Variants in PACRG observed in about 807,000 individuals in gnomAD.
The protein encoded by PACRG is parkin coregulated gene protein.
In PACRG, 29 loss-of-function variants were observed where a neutral mutation model predicts 29.7. That is an observed-to-expected ratio of 0.98 (90% CI 0.73 to 1.33). The LOEUF is 1.33. PACRG is among the 40% of genes most tolerant of loss of function. PACRG has a pLI of 0.00. For missense variants in PACRG, 279 were observed against 316.2 expected (o/e 0.88, Z 0.89); for synonymous variants, 116 against 118.7 (o/e 0.98, Z 0.15).
At chr6:162,805,592 T>C (rs1786252553) in intron 1 of PACRG, among the ~76,000 whole-genome samples, 1 of 152,218 alleles carries the variant, frequency 6.6e-6, no homozygotes, top group Non-Finnish European at 1.5e-5. Context: ...TGATGCTGTT[T>C]AATACCATTT....
At chr6:162,785,168 C>CAGAGAGAGAG (rs71008111) in intron 1 of PACRG, among the ~76,000 whole-genome samples, 42 of 138,126 alleles carry the variant, frequency 3.0e-4, no homozygotes, top group African/African-American at 1.0e-3. Context: ...ATGAGGGAGG[C>CAGAGAGAGAG]AGAGAGAGAG....
intron 2 of PACRG, among the ~76,000 whole-genome samples, chr6:162,915,144 A>T (rs1015655087): frequency 6.6e-6 from 1 of 152,082 alleles, no homozygotes; most frequent in Non-Finnish European, 1.5e-5. Context: ...GATATTGGCT[A>T]TGAGTTTTTC....
At chr6:163,093,416 C>T (rs1814294930) in intron 4 of PACRG, among the ~76,000 whole-genome samples, 1 of 152,196 alleles carries the variant, frequency 6.6e-6, no homozygotes, top group Admixed American at 6.5e-5. Context: ...TGTTCTTTCA[C>T]AAATGTTATT....
chr6:163,014,929 A>G (rs1805954772), intron 2 of PACRG, among the ~76,000 whole-genome samples: 1 of 152,162 alleles, frequency 6.6e-6, no homozygotes. Context: ...CCCAAGGCCC[A>G]TGTCCAAAAT....
intron 4 of PACRG, among the ~76,000 whole-genome samples, chr6:163,250,568 G>T (rs1782863253): frequency 6.6e-6 from 1 of 152,200 alleles, no homozygotes; most frequent in Non-Finnish European, 1.5e-5. Context: ...AGCAAACAGT[G>T]ACAGTTTGAC....
intron 2 of PACRG, among the ~76,000 whole-genome samples, chr6:162,953,270 C>A (rs1228279388): frequency 3.3e-5 from 5 of 152,034 alleles, no homozygotes; most frequent in African/African-American, 4.8e-5. Context: ...ATAGCTTTAG[C>A]AATCTGTATT....
chr6:162,775,159 G>A (rs1006279458), intron 1 of PACRG, among the ~76,000 whole-genome samples: 2 of 152,208 alleles, frequency 1.3e-5, no homozygotes, highest in African/African-American at 2.4e-5. Flanking sequence ...GGGACCCAGT[G>A]AGAAGGTATA....
At chr6:163,261,716 A>T (rs923985003) in intron 4 of PACRG, among the ~76,000 whole-genome samples, 1 of 152,228 alleles carries the variant, frequency 6.6e-6, no homozygotes, top group African/African-American at 2.4e-5. Flanking sequence ...TGTACTGAAC[A>T]TATACAGAAA....
chr6:162,902,736 A>G (rs904580620), intron 2 of PACRG, among the ~76,000 whole-genome samples: 1 of 152,202 alleles, frequency 6.6e-6, no homozygotes, highest in Non-Finnish European at 1.5e-5. Context: ...GAGTTTTCAG[A>G]TCAATTTTTT....
intron 2 of PACRG, among the ~76,000 whole-genome samples, chr6:163,020,441 C>A (rs979722889): frequency 1.1e-4 from 16 of 152,210 alleles, no homozygotes; most frequent in African/African-American, 3.9e-4. Flanking sequence ...CACGCAGAGA[C>A]CCCTCCCAAT....
intron 1 of PACRG, among the ~76,000 whole-genome samples, chr6:162,785,941 C>G (rs1201526634): frequency 2.0e-5 from 3 of 152,218 alleles, no homozygotes; most frequent in South Asian, 4.1e-4. Context: ...AAGGCTGCCC[C>G]CTCCAGAGAG....
intron 2 of PACRG, among the ~76,000 whole-genome samples, chr6:162,823,513 C>T (rs1235252066): frequency 6.7e-6 from 1 of 149,214 alleles, no homozygotes; most frequent in East Asian, 2.0e-4. Context: ...TTTCTTTTCT[C>T]TTCTTTTTTT....
chr6:162,982,534 A>G (rs1191636386), intron 2 of PACRG, among the ~76,000 whole-genome samples: 4 of 152,016 alleles, frequency 2.6e-5, no homozygotes, highest in African/African-American at 9.7e-5. Flanking sequence ...GAATTTTTAA[A>G]TTTTAATCTT....
chr6:163,153,987 C>G (rs1022714363), intron 4 of PACRG, among the ~76,000 whole-genome samples: 2 of 152,144 alleles, frequency 1.3e-5, no homozygotes, highest in African/African-American at 4.8e-5. Context: ...AGAGGAAGAA[C>G]AGCGGTGATT....
chr6:162,862,849 G>C (rs1260498169), intron 2 of PACRG, among the ~76,000 whole-genome samples: 2 of 152,190 alleles, frequency 1.3e-5, no homozygotes, highest in African/African-American at 4.8e-5. Context: ...GAGCTTTGGA[G>C]CTGGTCTCAT....
intron 4 of PACRG, chr6:163,166,289 G>C (rs1448487570): frequency 1.4e-5 from 6 of 437,738 alleles, no homozygotes; most frequent in South Asian, 9.6e-5. Context: ...ACAAAAAAAT[G>C]TAGATTAGAA....
intron 4 of PACRG, among the ~76,000 whole-genome samples, chr6:163,313,069 C>A (rs924876001): frequency 6.6e-6 from 1 of 151,800 alleles, no homozygotes. Context: ...CTCTCTCTCT[C>A]TCTCTCTGTT....
At chr6:162,950,874 G>A (rs1462269297) in intron 2 of PACRG, among the ~76,000 whole-genome samples, 1 of 152,306 alleles carries the variant, frequency 6.6e-6, no homozygotes, top group African/African-American at 2.4e-5. Context: ...TAAACCAGTT[G>A]ATGAAAATAA....
At chr6:163,293,555 A>C (rs889369721) in intron 4 of PACRG, among the ~76,000 whole-genome samples, 3 of 152,232 alleles carry the variant, frequency 2.0e-5, no homozygotes, top group African/African-American at 7.2e-5. Context: ...TGTGATTTTT[A>C]GAAATTTCAC....
Sources: allele counts gnomAD v4.1 joint callset (sites outside exome capture counted in the v4.1 genomes callset), GRCh38; gene constraint gnomAD v4.1.1; transcripts MANE v1.5; gene names NCBI Gene and HGNC (gene_info 2026-07-23, HGNC 2026-07-21).